Variants in FAM227A observed in about 807,000 individuals in gnomAD.
FAM227A encodes the protein family with sequence similarity 227 member A.
A neutral mutation model predicts 74.7 loss-of-function variants in FAM227A; 80 were observed. The observed-to-expected ratio is 1.07, with a 90% CI of 0.89 to 1.29. The LOEUF (loss-of-function observed/expected upper bound fraction) is 1.29. FAM227A is among the 50% of genes most tolerant of loss of function. FAM227A has a pLI of 0.00. For synonymous variants in FAM227A, 237 were observed against 241.8 expected (o/e 0.98, Z 0.19); for missense variants, 654 against 683.4 (o/e 0.96, Z 0.48).
intron 13 of FAM227A, among the ~76,000 whole-genome samples, chr22:38,605,051 T>C (rs1427696609): frequency 3.9e-5 from 6 of 152,222 alleles, no homozygotes; most frequent in African/African-American, 1.4e-4. Context: ...AGCATCACTT[T>C]GCTCATTAAT....
chr22:38,579,394 T>C lies in FAM227A; in HGVS notation c.*6731A>G, dbSNP rs915000769. 1.3e-4 allele frequency: 20 copies of C among 152,238 alleles called. No homozygotes were observed. The highest frequency in any genetic ancestry group is 3.4e-3 in the Middle Eastern group (1 of 294). The allele number at this position is 152,238 out of a possible 1,614,324, so 9.4% of individuals were successfully genotyped here. ...GGGCAAAGAGAATGCTAGGAGAATATTGTATAACAGAAGTCCCAAGCCAGG... is the reference window on the plus strand; with the variant it reads ...GGGCAAAGAGAATGCTAGGAGAATACTGTATAACAGAAGTCCCAAGCCAGG... On this transcript the variant is annotated 3_prime_UTR_variant, in exon 17 of 17. Coordinates refer to ENST00000535113, the MANE Select transcript of FAM227A (RefSeq NM_001013647.2).
In FAM227A at chr22:38,598,331, G is replaced by A. The variant is rs1016052595; in HGVS notation, c.1380-975C>T. ...ATAACTATCCAAATTTTAGGAATGA[G>A]TAGATAAAGATATTGAGCTTGGAGG... On this transcript the variant is annotated intron_variant, in intron 14 of 16. Coordinates refer to ENST00000535113, the MANE Select transcript of FAM227A (RefSeq NM_001013647.2). Among the ~76,000 whole-genome samples the A allele has an allele frequency of 1.3e-5, 2 of 152,174 alleles. 1 individual carries two copies. The highest frequency in any genetic ancestry group is 1.3e-4 in the Admixed American group (2 of 15,282).
intron 8 of FAM227A, 36 bp from the exon 9 acceptor site, chr22:38,626,339 C>T (rs2091799647): frequency 6.5e-7 from 1 of 1,537,208 alleles, no homozygotes; most frequent in Non-Finnish European, 8.8e-7. Flanking sequence ...ACGTTCTCAA[C>T]ATTTCCACCC....
At chr22:38,613,196 ATTATAT>A (rs1168421717) in intron 11 of FAM227A, among the ~76,000 whole-genome samples, 1 of 78,984 alleles carries the variant, frequency 1.3e-5, no homozygotes, top group Non-Finnish European at 2.2e-5. Context: ...ATATATATAT[ATTATAT>A]TATATATATC....
rs1364559892 is a variant in FAM227A at position 38,605,328 on chromosome 22, C to A, written c.1147G>T (p.Val383Phe). 1 of 1,548,298 alleles carries A rather than the reference C, an allele frequency of 6.5e-7. No individual in the cohort carries two copies. Among genetic ancestry groups the A allele is most frequent in the East Asian group, 2.4e-5 (1 of 40,916 alleles). ...ACTTCTTGCGTAGGTTTCTTCAAGA[C>A]CAGGGTCTGACAATGATGCTCTGTC... Reference protein sequence around the residue: ...TAKEHHCQTLVLKKPTQEVKR... With the variant: ...TAKEHHCQTLFLKKPTQEVKR... The change falls in exon 13 of 17, where the codon GTC (valine) becomes TTC (phenylalanine). Residue 383 changes from valine (V) to phenylalanine (F), a missense_variant. By Grantham distance (50) the Val-to-Phe change is conservative. Coordinates refer to ENST00000535113, the MANE Select transcript of FAM227A (RefSeq NM_001013647.2).
chr22:38,625,987 C>A (rs908870182), intron 9 of FAM227A, among the ~76,000 whole-genome samples, 193 bp downstream of exon 9: 4 of 148,170 alleles, frequency 2.7e-5, no homozygotes, highest in Non-Finnish European at 6.0e-5. Context: ...TGTCTCAGAA[C>A]TGTTTTGAGG....
rs202194357 is a variant in FAM227A at position 38,582,504 on chromosome 22, G to A, written c.*3621C>T. 3.6e-4 allele frequency: 475 copies of A among 1,319,682 alleles called. 2 individuals are homozygous for A. In the East Asian group the frequency reaches 5.9e-3, roughly 16 times the overall value. The allele number at this position is 1,319,682 out of a possible 1,614,324, so 81.7% of individuals were successfully genotyped here. A position where few individuals can be genotyped will look rare whatever the true frequency, so the allele number is the denominator to read the frequency against. On this transcript the variant is annotated 3_prime_UTR_variant, in exon 17 of 17. Transcript: ENST00000535113. ...TTAGTTCCCTTTGATGCTCTACCCC[G>A]CTTCCCTTATAAAGGGCAAATAATT...
At chr22:38,630,868 G>A (rs1342831159) in intron 6 of FAM227A, among the ~76,000 whole-genome samples, 4 of 152,152 alleles carry the variant, frequency 2.6e-5, no homozygotes, top group East Asian at 1.9e-4. Flanking sequence ...ACAGTGTTAC[G>A]AGTAAAAATA....
chr22:38,618,143 A>C (rs1300449690), intron 11 of FAM227A, among the ~76,000 whole-genome samples: 1 of 152,230 alleles, frequency 6.6e-6, no homozygotes, highest in Non-Finnish European at 1.5e-5. Flanking sequence ...ATCCCAAAAT[A>C]GGCCACTTTG....
intron 7 of FAM227A, 133 bp from the exon 8 acceptor site, chr22:38,628,475 T>C (rs2091854145): frequency 6.0e-6 from 4 of 661,346 alleles, no homozygotes; most frequent in Non-Finnish European, 1.1e-5. Flanking sequence ...TCATATGCTT[T>C]ATGAAATAAT....
At chr22:38,596,560 C>G (rs1382725758) in intron 15 of FAM227A, among the ~76,000 whole-genome samples, 2 of 152,110 alleles carry the variant, frequency 1.3e-5, no homozygotes, top group East Asian at 3.8e-4. Flanking sequence ...AATTAAAATA[C>G]ATTTTGGGGA....
chr22:38,628,206 G>T, intron 8 of FAM227A, 32 bp downstream of exon 8: 1 of 1,289,176 alleles, frequency 7.8e-7, no homozygotes, highest in South Asian at 1.3e-5. Context: ...AATCTAATGT[G>T]ACTTTTTTTC....
intron 11 of FAM227A, among the ~76,000 whole-genome samples, chr22:38,612,766 C>T (rs1331847200): frequency 1.3e-5 from 2 of 151,858 alleles, no homozygotes; most frequent in Non-Finnish European, 2.9e-5. Context: ...TAGAGTAGAA[C>T]TTTTAACATC....
At chr22:38,594,213 A>G (rs1345507935) in intron 15 of FAM227A, among the ~76,000 whole-genome samples, 1 of 152,044 alleles carries the variant, frequency 6.6e-6, no homozygotes, top group Non-Finnish European at 1.5e-5. Flanking sequence ...TCTGGCCACT[A>G]CATTGCTGCT....
chr22:38,597,059 A>T, intron 15 of FAM227A, 145 bp downstream of exon 15: 1 of 716,066 alleles, frequency 1.4e-6, no homozygotes, highest in Non-Finnish European at 2.3e-6. Flanking sequence ...TTAGGAGTTT[A>T]TAATCTGACC....
At chr22:38,635,383 G>A (rs902950752) in intron 6 of FAM227A, among the ~76,000 whole-genome samples, 7 of 152,066 alleles carry the variant, frequency 4.6e-5, no homozygotes, top group East Asian at 3.9e-4. Context: ...GACTGGTTAG[G>A]AGCTCAGGGG....
intron 10 of FAM227A, among the ~76,000 whole-genome samples, chr22:38,622,889 A>G (rs2091720985): frequency 6.6e-6 from 1 of 151,178 alleles, no homozygotes; most frequent in Non-Finnish European, 1.5e-5. Context: ...AAAAAAAAAA[A>G]AAAAAAAAAA....
In FAM227A at chr22:38,623,169, T is replaced by A; in HGVS notation, c.958+3A>T. ...AGGCGGGAGGCTGTACCTGCTATCTTACCCTTTGTCAGTCTTCTTCTGTAC... is the reference window on the plus strand; with the variant it reads ...AGGCGGGAGGCTGTACCTGCTATCTAACCCTTTGTCAGTCTTCTTCTGTAC... On this transcript the variant is annotated splice_donor_region_variant and intron_variant, in intron 10 of 16. Transcript: ENST00000535113. 6.5e-7 allele frequency: 1 copy of A among 1,547,492 alleles called. No individual in the cohort carries two copies. The highest frequency in any genetic ancestry group is 8.7e-7 in the Non-Finnish European group (1 of 1,143,154).
chr22:38,605,254 C>A lies in FAM227A; in HGVS notation c.1221G>T (p.Lys407Asn). Residue 407 changes from lysine to asparagine, a missense_variant and splice_region_variant, in exon 13 of 17, where the codon AAG becomes AAT. Coordinates refer to ENST00000535113, the MANE Select transcript of FAM227A (RefSeq NM_001013647.2). Reference protein sequence around the residue: ...ARECENMFPKKSCAACKSPEL... With the variant: ...ARECENMFPKNSCAACKSPEL... ...ATTAAATTTCCAATCATGTGCTCAC[C>A]TTTTTAGGAAACATATTCTCACATT... 6.5e-7 allele frequency: 1 copy of A among 1,534,296 alleles called. No homozygotes were observed. The highest frequency in any genetic ancestry group is 1.2e-5 in the South Asian group (1 of 83,692).
Sources: allele counts gnomAD v4.1 joint callset (sites outside exome capture counted in the v4.1 genomes callset), GRCh38; gene constraint gnomAD v4.1.1; transcripts MANE v1.5; gene names NCBI Gene and HGNC (gene_info 2026-07-23, HGNC 2026-07-21).